The following KCNJ3 variants were observed in gnomAD, a reference collection of about 807,000 sequenced individuals.
The protein encoded by KCNJ3 is G protein-activated inward rectifier potassium channel 1.
A neutral mutation model predicts 39.2 loss-of-function variants in KCNJ3; 4 were observed. The ratio of observed to expected loss-of-function variants is 0.10; its 90% CI spans 0.05 to 0.23. The LOEUF (loss-of-function observed/expected upper bound fraction) is 0.23. Ranked by LOEUF, KCNJ3 falls within the 10% of genes least tolerant of loss-of-function variation. KCNJ3 has a pLI of 1.00. For missense variants in KCNJ3, 276 were observed against 634.9 expected (o/e 0.43, Z 6.08); for synonymous variants, 230 against 237.4 (o/e 0.97, Z 0.29).
chr2:154,746,659 T>G (rs1685750489), intron 2 of KCNJ3, among the ~76,000 whole-genome samples: 1 of 149,718 alleles, frequency 6.7e-6, no homozygotes, highest in East Asian at 1.9e-4. Context: ...TATGTGTGTG[T>G]GTGTGTGTGT....
At chr2:154,749,643 A>G (rs767286533) in intron 2 of KCNJ3, among the ~76,000 whole-genome samples, 6 of 152,060 alleles carry the variant, frequency 3.9e-5, no homozygotes, top group Non-Finnish European at 8.8e-5. Context: ...TAGTTTTATG[A>G]CCTTGCCAAA....
intron 2 of KCNJ3, among the ~76,000 whole-genome samples, chr2:154,744,467 A>G (rs958022715): frequency 6.6e-6 from 1 of 151,792 alleles, no homozygotes; most frequent in Non-Finnish European, 1.5e-5. Context: ...CCTGAAGTTT[A>G]TATTTGGGCA....
At chr2:154,852,374 C>T (rs139950812) in intron 2 of KCNJ3, among the ~76,000 whole-genome samples, 22 of 151,690 alleles carry the variant, frequency 1.5e-4, no homozygotes, top group African/African-American at 2.7e-4. Context: ...GCAGCCTGGG[C>T]GACAGAGTGA....
intron 2 of KCNJ3, among the ~76,000 whole-genome samples, chr2:154,802,018 ATGT>A (rs985220018): frequency 6.6e-6 from 1 of 152,108 alleles, no homozygotes; most frequent in Non-Finnish European, 1.5e-5. Flanking sequence ...CTTGCTATTA[ATGT>A]TGTTTGCATC....
chr2:154,791,880 A>G (rs1458171751), intron 2 of KCNJ3, among the ~76,000 whole-genome samples: 1 of 152,120 alleles, frequency 6.6e-6, no homozygotes, highest in Non-Finnish European at 1.5e-5. Flanking sequence ...TAAAAACTCT[A>G]GTACAGGCGA....
rs368513814 is a variant in KCNJ3, at chr2:154,702,492, A to G, written c.702+3015A>G. Among the ~76,000 whole-genome samples the G allele has an allele frequency of 2.1e-4, 32 of 152,052 alleles. No homozygotes were observed. In the South Asian group the frequency reaches 3.1e-3, roughly 15 times the overall value. Reference sequence around the variant, plus strand: ...TTCTGTTATGAAATTTCTCATGTATAATAGTTTTTAAATGCCTAACTTTTG... The same window carrying G: ...TTCTGTTATGAAATTTCTCATGTATGATAGTTTTTAAATGCCTAACTTTTG... On this transcript the variant is annotated intron_variant, in intron 1 of 2. Transcript: ENST00000295101.
At chr2:154,706,261 T>C (rs1685007103) in intron 1 of KCNJ3, among the ~76,000 whole-genome samples, 1 of 152,132 alleles carries the variant, frequency 6.6e-6, no homozygotes, top group African/African-American at 2.4e-5. Context: ...TTAGAAAGTT[T>C]ATTGAGCTAA....
At chr2:154,717,331 T>C (rs1685198596) in intron 2 of KCNJ3, among the ~76,000 whole-genome samples, 1 of 152,188 alleles carries the variant, frequency 6.6e-6, no homozygotes, top group South Asian at 2.1e-4. Flanking sequence ...CATAAAGCTC[T>C]TGAAGGATTT....
chr2:154,850,016 T>TTTTTTG (rs1352559229), intron 2 of KCNJ3, among the ~76,000 whole-genome samples: 134 of 32,714 alleles, frequency 4.1e-3, no homozygotes, highest in Non-Finnish European at 8.4e-3. Flanking sequence ...ATCTTTTTTT[T>TTTTTTG]TTTTTTTTTT....
chr2:154,811,047 A>G (rs1687000918), intron 2 of KCNJ3, among the ~76,000 whole-genome samples: 1 of 152,204 alleles, frequency 6.6e-6, no homozygotes, highest in Non-Finnish European at 1.5e-5. Flanking sequence ...TGTGTGGGAT[A>G]AAGCTTGAAC....
intron 2 of KCNJ3, among the ~76,000 whole-genome samples, chr2:154,833,536 G>T (rs1687397464): frequency 6.6e-6 from 1 of 152,128 alleles, no homozygotes; most frequent in African/African-American, 2.4e-5. Flanking sequence ...GAACCACACT[G>T]ACACATCATT....
At chr2:154,837,706 G>A (rs1036712981) in intron 2 of KCNJ3, among the ~76,000 whole-genome samples, 17 of 152,122 alleles carry the variant, frequency 1.1e-4, no homozygotes, top group Non-Finnish European at 2.4e-4. Context: ...ATAAGAGCTC[G>A]CTTAAGAAGC....
chr2:154,828,440 G>A (rs1355402419), intron 2 of KCNJ3, among the ~76,000 whole-genome samples: 1 of 152,180 alleles, frequency 6.6e-6, no homozygotes, highest in African/African-American at 2.4e-5. Flanking sequence ...AGAAGCATCA[G>A]TATGATCAGG....
intron 2 of KCNJ3, among the ~76,000 whole-genome samples, chr2:154,822,622 T>C (rs1687203448): frequency 6.6e-6 from 1 of 152,206 alleles, no homozygotes; most frequent in African/African-American, 2.4e-5. Context: ...TATGTTTGAA[T>C]TGCAGTAAAC....
chr2:154,851,676 A>G (rs1256680025), intron 2 of KCNJ3, among the ~76,000 whole-genome samples: 1 of 152,208 alleles, frequency 6.6e-6, no homozygotes, highest in Admixed American at 6.5e-5. Flanking sequence ...AGTTAATTTT[A>G]TCTAGTAAAA....
chr2:154,762,740 G>A (rs1327395162), intron 2 of KCNJ3, among the ~76,000 whole-genome samples: 1 of 151,934 alleles, frequency 6.6e-6, no homozygotes, highest in African/African-American at 2.4e-5. Flanking sequence ...GAAGGAAGGA[G>A]AACTGGAAAG....
At chr2:154,789,697 A>T (rs1686592816) in intron 2 of KCNJ3, among the ~76,000 whole-genome samples, 1 of 152,110 alleles carries the variant, frequency 6.6e-6, no homozygotes, top group African/African-American at 2.4e-5. Flanking sequence ...TTTGCACTCA[A>T]GTAACCCAAA....
At chr2:154,782,692 T>C (rs1378454788) in intron 2 of KCNJ3, among the ~76,000 whole-genome samples, 1 of 152,152 alleles carries the variant, frequency 6.6e-6, no homozygotes, top group Non-Finnish European at 1.5e-5. Context: ...TGTGAAAAGA[T>C]TGGGAAGAGT....
chr2:154,810,950 A>G (rs1254287975), intron 2 of KCNJ3, among the ~76,000 whole-genome samples: 1 of 152,188 alleles, frequency 6.6e-6, no homozygotes, highest in Non-Finnish European at 1.5e-5. Context: ...TTTACTATCC[A>G]AAGTTAAATG....
Sources: allele counts gnomAD v4.1 joint callset (sites outside exome capture counted in the v4.1 genomes callset), GRCh38; gene constraint gnomAD v4.1.1; transcripts MANE v1.5; gene names NCBI Gene and HGNC (gene_info 2026-07-23, HGNC 2026-07-21).